The following RYR3 variants were observed in gnomAD, a reference collection of about 807,000 sequenced individuals.
RYR3 encodes the protein brain ryanodine receptor-calcium release channel.
Under a neutral mutation model 584.3 loss-of-function variants are expected in RYR3, and 207 were observed. The ratio of observed to expected loss-of-function variants is 0.35; its 90% CI spans 0.32 to 0.40. The LOEUF is 0.40. Among genes scored for constraint, RYR3 ranks in the 10% least tolerant of loss-of-function variants. RYR3 has a pLI of 1.00. For missense variants in RYR3, 5,616 were observed against 6,089.2 expected, an observed-to-expected ratio of 0.92 and a Z score of 2.59; for synonymous variants, 2,416 against 2,248.5, an observed-to-expected ratio of 1.07 and a Z score of -2.11.
intron 60 of RYR3, among the ~76,000 whole-genome samples, chr15:33,765,870 T>C (rs1224643539): frequency 6.6e-6 from 1 of 152,176 alleles, no homozygotes; most frequent in Non-Finnish European, 1.5e-5. Flanking sequence ...TCATGATGTT[T>C]TAAATTCTGA....
intron 1 of RYR3, among the ~76,000 whole-genome samples, chr15:33,339,567 ATTTCAGCTGGCATAACTAGAAGGT>A (rs1464771332): frequency 6.6e-6 from 1 of 152,122 alleles, no homozygotes; most frequent in Non-Finnish European, 1.5e-5. Flanking sequence ...GAAGGCAAGG[ATTTCAGCTGGCATAACTAGAAGGT>A]TAAAATTGCC....
rs1259933114 is a variant in RYR3, at chr15:33,726,547, C to G, written c.7033+41C>G. 5 of 1,547,130 alleles carry G rather than the reference C, an allele frequency of 3.2e-6. No homozygotes were observed. In the East Asian group the frequency reaches 1.2e-4, roughly 37 times the overall value. On this transcript the variant is annotated intron_variant, in intron 46 of 103. Coordinates refer to ENST00000634891, the MANE Select transcript of RYR3 (RefSeq NM_001036.6). Reference sequence around the variant, plus strand: ...GCAGGCTGCAGCAGCAGTCTCCCAGCAGCCACTGGCTCGGGGCAGGACTCT... The same window carrying G: ...GCAGGCTGCAGCAGCAGTCTCCCAGGAGCCACTGGCTCGGGGCAGGACTCT...
At chr15:33,558,947 G>T (rs931828668) in intron 10 of RYR3, among the ~76,000 whole-genome samples, 1 of 152,142 alleles carries the variant, frequency 6.6e-6, no homozygotes, top group African/African-American at 2.4e-5. Flanking sequence ...TCCATAGAAA[G>T]GGATGGGCTG....
intron 92 of RYR3, among the ~76,000 whole-genome samples, chr15:33,844,640 C>G (rs1256487276): frequency 4.6e-5 from 7 of 152,186 alleles, no homozygotes; most frequent in Non-Finnish European, 1.0e-4. Context: ...GCTTTCTTCT[C>G]AAGAGATAGG....
At chr15:33,656,668 T>C (rs987200040) in intron 32 of RYR3, among the ~76,000 whole-genome samples, 1 of 152,176 alleles carries the variant, frequency 6.6e-6, no homozygotes, top group African/African-American at 2.4e-5. Flanking sequence ...CTTCTGAGCT[T>C]ATTCAAGGTA....
rs768818465 is a variant in RYR3 at position 33,788,466 on chromosome 15, G to T, written c.9830+8G>T. On this transcript the variant is annotated splice_region_variant and intron_variant, in intron 67 of 103. Transcript: ENST00000634891. ...CTACGTGGACAACAACAGGTACGGA[G>T]GAGAGCACTAGGAGCCTGTCTGCCC... is the stretch of plus-strand genomic sequence containing the variant. 1 of 1,612,532 alleles carries T rather than the reference G, an allele frequency of 6.2e-7. No homozygotes were observed. The highest frequency in any genetic ancestry group is 1.7e-5 in the Admixed American group (1 of 60,002).
chr15:33,348,756 G>A (rs1392826461), intron 1 of RYR3, among the ~76,000 whole-genome samples: 2 of 151,950 alleles, frequency 1.3e-5, no homozygotes, highest in Non-Finnish European at 2.9e-5. Context: ...GATTACAGGC[G>A]TGAGCCACTG....
chr15:33,829,737 G>C (rs2077569427), intron 85 of RYR3, among the ~76,000 whole-genome samples: 1 of 137,518 alleles, frequency 7.3e-6, no homozygotes, highest in African/African-American at 2.8e-5. Flanking sequence ...GGGCAACAGA[G>C]CGAGACTCTG....
At chr15:33,719,837 C>T (rs1234189771) in intron 43 of RYR3, among the ~76,000 whole-genome samples, 2 of 152,198 alleles carry the variant, frequency 1.3e-5, no homozygotes, top group Non-Finnish European at 2.9e-5. Flanking sequence ...TGGTCTTCTA[C>T]AAACTGTACA....
intron 1 of RYR3, among the ~76,000 whole-genome samples, chr15:33,452,599 T>C (rs1052520415): frequency 2.0e-5 from 3 of 152,222 alleles, no homozygotes; most frequent in African/African-American, 7.2e-5. Flanking sequence ...TAGATACAAG[T>C]ACTGTTTTGG....
intron 43 of RYR3, among the ~76,000 whole-genome samples, chr15:33,716,892 C>T (rs1191685297): frequency 6.6e-6 from 1 of 151,742 alleles, no homozygotes. Flanking sequence ...AAATCCACTT[C>T]ATCAACATTA....
At chr15:33,640,053 A>AC (rs201139973) in intron 27 of RYR3, among the ~76,000 whole-genome samples, 8 of 151,970 alleles carry the variant, frequency 5.3e-5, no homozygotes, top group African/African-American at 7.3e-5. Context: ...CCCCTGAGGG[A>AC]CATGCTGCCT....
chr15:33,844,517 G>A (rs755685421), intron 92 of RYR3, among the ~76,000 whole-genome samples: 4 of 152,310 alleles, frequency 2.6e-5, no homozygotes, highest in African/African-American at 4.8e-5. Flanking sequence ...CATCCTTCAC[G>A]CTTGTGTGTG....
intron 9 of RYR3, among the ~76,000 whole-genome samples, chr15:33,549,099 T>C (rs575800318): frequency 9.9e-5 from 15 of 152,250 alleles, no homozygotes; most frequent in Admixed American, 8.5e-4. Flanking sequence ...TGGCGGCTGA[T>C]GGTTTAAGGA....
chr15:33,633,167 C>A, intron 24 of RYR3, 59 bp downstream of exon 24: 1 of 1,565,480 alleles, frequency 6.4e-7, no homozygotes, highest in Admixed American at 1.7e-5. Flanking sequence ...ATCCACGTGC[C>A]GTTTTGCTTT....
chr15:33,456,933 C>T (rs1317462337), intron 1 of RYR3, among the ~76,000 whole-genome samples: 1 of 152,130 alleles, frequency 6.6e-6, no homozygotes, highest in Non-Finnish European at 1.5e-5. Context: ...GTTATAAAGT[C>T]TCTCAATTCC....
intron 36 of RYR3, among the ~76,000 whole-genome samples, chr15:33,665,526 C>T (rs1033278180): frequency 6.6e-6 from 1 of 152,206 alleles, no homozygotes; most frequent in Non-Finnish European, 1.5e-5. Flanking sequence ...ATCTCTTTCT[C>T]CCAGCCAAGA....
At chr15:33,727,074 G>A (rs1195269717) in intron 46 of RYR3, among the ~76,000 whole-genome samples, 2 of 152,182 alleles carry the variant, frequency 1.3e-5, no homozygotes, top group Non-Finnish European at 1.5e-5. Flanking sequence ...TCTCACCACG[G>A]CCTCCCTTCT....
chr15:33,810,643 C>T lies in RYR3; in HGVS notation c.10191C>T (p.Tyr3397=). The T allele has an allele frequency of 6.2e-7, 1 of 1,614,018 alleles. No individual in the cohort carries two copies. Among genetic ancestry groups the T allele is most frequent in the Non-Finnish European group, 8.5e-7 (1 of 1,179,888 alleles). Reference sequence around the variant, plus strand: ...TGATCTCCCTCGCAAAATCGCGATACAGCCATGTAAGCTGCCCGTCTGCCT... The same window carrying T: ...TGATCTCCCTCGCAAAATCGCGATATAGCCATGTAAGCTGCCCGTCTGCCT... ...QELISLAKSR[Y]SHRDTDEEVR... The change falls in exon 71 of 104, where the codon TAC becomes TAT. Residue 3397 remains tyrosine (Y), a synonymous_variant. Transcript: ENST00000634891.
Sources: gnomAD v4.1 joint callset for allele counts (sites outside exome capture counted in the v4.1 genomes callset) on GRCh38, gnomAD v4.1.1 for gene constraint, MANE v1.5 for transcripts, NCBI Gene and HGNC (gene_info 2026-07-23, HGNC 2026-07-21) for gene names.